The following VASH1 variants were observed in gnomAD, a reference collection of about 807,000 sequenced individuals.
VASH1 encodes tubulinyl-Tyr carboxypeptidase 1.
A neutral mutation model predicts 35.0 loss-of-function variants in VASH1; 16 were observed. The ratio of observed to expected loss-of-function variants is 0.46; its 90% CI spans 0.31 to 0.70. The LOEUF (loss-of-function observed/expected upper bound fraction) is 0.70, where lower values mean the gene tolerates loss of function less well. Ranked by LOEUF, VASH1 falls within the 30% of genes least tolerant of loss-of-function variation. The pLI, the probability that VASH1 is intolerant of heterozygous loss-of-function variation, is 0.05. For missense variants in VASH1, 505 were observed against 510.7 expected, an observed-to-expected ratio of 0.99 and a Z score of 0.11; for synonymous variants, 214 against 200.9, an observed-to-expected ratio of 1.07 and a Z score of -0.55.
Position 76,777,998 on chromosome 14 carries a change from C to G in VASH1, c.952C>G (p.Arg318Gly). 1 of 1,547,770 alleles carries G rather than the reference C, an allele frequency of 6.5e-7. No homozygotes were observed. The highest frequency in any genetic ancestry group is 8.7e-7 in the Non-Finnish European group (1 of 1,148,120). The change falls in exon 6 of 7, where the codon CGG becomes GGG. Residue 318 changes from arginine (R) to glycine (G), a missense_variant. Arg to Gly is a moderately radical substitution (Grantham distance 125, BLOSUM62 -2). Transcript: ENST00000167106. Reference protein sequence around the residue: ...GTGPPSPTKDRKKDVSSPQRA... With the variant: ...GTGPPSPTKDGKKDVSSPQRA... ...GGGCCCTCCCTCTCCCACCAAGGAC[C>G]GGAAGAAGGATGTTTCTTCCCCGCA...
chr14:76,772,273 C>A (rs1400510855), intron 3 of VASH1, among the ~76,000 whole-genome samples: 1 of 152,194 alleles, frequency 6.6e-6, no homozygotes, highest in Admixed American at 6.5e-5. Flanking sequence ...AAAAAAATTT[C>A]ATATGAAGTT....
At chr14:76,771,055 G>A in intron 2 of VASH1, 135 bp from the exon 3 acceptor site, 1 of 676,056 alleles carries the variant, frequency 1.5e-6, no homozygotes, top group Non-Finnish European at 2.3e-6. Context: ...AAGGAGGCGT[G>A]AGGCGGGGAG....
At chr14:76,763,609 G>C (rs1893563896) in intron 1 of VASH1, among the ~76,000 whole-genome samples, 2 of 152,184 alleles carry the variant, frequency 1.3e-5, no homozygotes, top group African/African-American at 4.8e-5. Flanking sequence ...TGAGAAAGCT[G>C]AAAACTCAAG....
At position 76,770,885 on chromosome 14, in the gene VASH1, A is replaced by G. The variant is rs1280133697; in HGVS notation, c.399-305A>G. ...CTCCTCTCAGTTCCTGTGGCTTCTC[A>G]GCTGGTTGGAAGATGAAGTGCTGTA... On this transcript the variant is annotated intron_variant, in intron 2 of 6. Coordinates refer to ENST00000167106, the MANE Select transcript of VASH1 (RefSeq NM_014909.5). Among the ~76,000 whole-genome samples the G allele has an allele frequency of 3.3e-5, 5 of 152,232 alleles. 1 individual carries two copies. Among genetic ancestry groups the G allele is most frequent in the Non-Finnish European group, 7.3e-5 (5 of 68,038 alleles).
At chr14:76,764,193 C>G (rs1169663230) in intron 1 of VASH1, among the ~76,000 whole-genome samples, 4 of 152,082 alleles carry the variant, frequency 2.6e-5, no homozygotes, top group Non-Finnish European at 5.9e-5. Flanking sequence ...ACAAGTGGCC[C>G]GTTTTGTTTT....
chr14:76,765,613 G>A (rs760325711), intron 1 of VASH1, among the ~76,000 whole-genome samples: 26 of 152,230 alleles, frequency 1.7e-4, no homozygotes, highest in Non-Finnish European at 3.4e-4. Flanking sequence ...AGCTGGCACA[G>A]GGTCATTCCC....
chr14:76,773,245 G>A, intron 4 of VASH1, 34 bp downstream of exon 4: 1 of 1,608,322 alleles, frequency 6.2e-7, no homozygotes, highest in Non-Finnish European at 8.5e-7. Flanking sequence ...AGGGGTCCGG[G>A]CTTCTCTGGG....
At position 76,776,277 on chromosome 14, in the gene VASH1, T is replaced by A. The variant is rs1407234888; in HGVS notation, c.912+4T>A. On this transcript the variant is annotated splice_donor_region_variant and intron_variant, in intron 5 of 6. Transcript: ENST00000167106. ...CGCCCGCGACATGCGGCTCAAGGTC[T>A]GCCCGCCTTCCACGCCCTCGCCCCC... 6.3e-7 allele frequency: 1 copy of A among 1,579,974 alleles called. No homozygotes were observed. Among genetic ancestry groups the A allele is most frequent in the Non-Finnish European group, 8.6e-7 (1 of 1,167,120 alleles).
chr14:76,772,772 C>A (rs554055884), intron 3 of VASH1, among the ~76,000 whole-genome samples: 11 of 152,362 alleles, frequency 7.2e-5, no homozygotes, highest in South Asian at 4.1e-4. Flanking sequence ...CGTCCCTCCT[C>A]CCCCGACTGC....
At chr14:76,778,288 GC>G (rs1367758454) in intron 6 of VASH1, among the ~76,000 whole-genome samples, 1 of 152,160 alleles carries the variant, frequency 6.6e-6, no homozygotes, top group Non-Finnish European at 1.5e-5. Flanking sequence ...AACTCTGCTA[GC>G]CCACTAGTCT....
chr14:76,766,153 G>A (rs561841997), intron 1 of VASH1, among the ~76,000 whole-genome samples: 6 of 152,296 alleles, frequency 3.9e-5, no homozygotes, highest in South Asian at 2.1e-4. Context: ...AGTGTTCATC[G>A]ACACCCCACT....
At chr14:76,770,789 GA>G (rs1259347471) in intron 2 of VASH1, among the ~76,000 whole-genome samples, 16 of 152,200 alleles carry the variant, frequency 1.1e-4, no homozygotes, top group African/African-American at 3.9e-4. Context: ...TGCCAGTGGG[GA>G]AACTGGTCCA....
At chr14:76,769,490 G>A in intron 1 of VASH1, 1 of 1,288,578 alleles carries the variant, frequency 7.8e-7, no homozygotes, top group Non-Finnish European at 1.0e-6. Context: ...CCCTACCAAG[G>A]ATGCTCACCC....
At chr14:76,774,844 G>C (rs557590566) in intron 4 of VASH1, 2 of 152,478 alleles carry the variant, frequency 1.3e-5, no homozygotes, top group Admixed American at 1.3e-4. Context: ...TTGAATCGTG[G>C]CTGGGCTGCT....
At chr14:76,773,286 G>C (rs900880744) in intron 4 of VASH1, 75 bp downstream of exon 4, 2 of 1,509,852 alleles carry the variant, frequency 1.3e-6, no homozygotes, top group African/African-American at 2.7e-5. Context: ...AGTGAGGGTG[G>C]GGTAGGTTGA....
intron 1 of VASH1, chr14:76,769,370 A>C: frequency 7.8e-7 from 1 of 1,289,138 alleles, no homozygotes; most frequent in Non-Finnish European, 1.0e-6. Context: ...CTACAGCAAG[A>C]CCTGTTCCAA....
At chr14:76,776,328 C>T (rs545266379) in intron 5 of VASH1, 55 bp downstream of exon 5, 2 of 1,478,812 alleles carry the variant, frequency 1.4e-6, no homozygotes, top group Admixed American at 4.3e-5. Flanking sequence ...CCCGCCCCAG[C>T]AGAGGCGATG....
chr14:76,773,082 TC>T, intron 3 of VASH1, 54 bp from the exon 4 acceptor site: 1 of 1,571,354 alleles, frequency 6.4e-7, no homozygotes, highest in Non-Finnish European at 8.7e-7. Flanking sequence ...CTTCTCACAT[TC>T]CCCTGGAGGG....
Position 76,776,073 on chromosome 14 carries a change from G to C in VASH1, c.712G>C (p.Glu238Gln). The change falls in exon 5 of 7, where the codon GAG becomes CAG. Residue 238 changes from glutamate (E) to glutamine (Q), a missense_variant. Coordinates refer to ENST00000167106, the MANE Select transcript of VASH1 (RefSeq NM_014909.5). ...YKPPAFRTLS[E>Q]LVLDFEAAYG... ...GCCGCCCGCCTTCCGCACGCTCAGC[G>C]AGCTCGTGCTGGACTTCGAGGCCGC... 2 of 1,609,396 alleles carry C rather than the reference G, an allele frequency of 1.2e-6. No individual in the cohort carries two copies. Among genetic ancestry groups the C allele is most frequent in the South Asian group, 2.2e-5 (2 of 90,728 alleles).
Sources: gnomAD v4.1 joint callset for allele counts (sites outside exome capture counted in the v4.1 genomes callset) on GRCh38, gnomAD v4.1.1 for gene constraint, MANE v1.5 for transcripts, NCBI Gene and HGNC (gene_info 2026-07-23, HGNC 2026-07-21) for gene names.